The following MAP3K5 variants were observed in gnomAD, a reference collection of about 807,000 sequenced individuals.
MAP3K5 encodes the protein mitogen-activated protein kinase kinase kinase 5, also known as ASK-1.
Under a neutral mutation model 158.7 loss-of-function variants are expected in MAP3K5, and 56 were observed. The observed-to-expected ratio is 0.35, with a 90% CI of 0.28 to 0.44. The LOEUF (loss-of-function observed/expected upper bound fraction) is 0.44. Among genes scored for constraint, MAP3K5 ranks in the 20% least tolerant of loss-of-function variants. The pLI is 1.00. For missense variants in MAP3K5, 1,294 were observed against 1,674.8 expected, an observed-to-expected ratio of 0.77 and a Z score of 3.97; for synonymous variants, 579 against 601.7, an observed-to-expected ratio of 0.96 and a Z score of 0.55.
chr6:136,772,155 G>A (rs1489270128), intron 1 of MAP3K5, among the ~76,000 whole-genome samples: 1 of 150,772 alleles, frequency 6.6e-6, no homozygotes, highest in Non-Finnish European at 1.5e-5. Flanking sequence ...AACCTCAGGT[G>A]ATCTGCGCCC....
At chr6:136,662,643 G>C (rs903570513) in intron 8 of MAP3K5, among the ~76,000 whole-genome samples, 4 of 149,680 alleles carry the variant, frequency 2.7e-5, no homozygotes, top group Admixed American at 2.7e-4. Context: ...AATTTGTTTT[G>C]TATTTAGGAT....
intron 2 of MAP3K5, among the ~76,000 whole-genome samples, chr6:136,711,524 G>A (rs1781306852): frequency 6.6e-6 from 1 of 151,090 alleles, no homozygotes; most frequent in Non-Finnish European, 1.5e-5. Flanking sequence ...AAATTAGCCA[G>A]GTGTAGCAGC....
chr6:136,786,402 A>T (rs1784845766), intron 1 of MAP3K5, among the ~76,000 whole-genome samples: 1 of 151,314 alleles, frequency 6.6e-6, no homozygotes, highest in Non-Finnish European at 1.5e-5. Flanking sequence ...AAAAAAAAAA[A>T]TTTGGAAAGC....
intron 25 of MAP3K5, among the ~76,000 whole-genome samples, chr6:136,573,291 G>A (rs1226130669): frequency 6.6e-6 from 1 of 152,198 alleles, no homozygotes; most frequent in South Asian, 2.1e-4. Context: ...GGATATCAGA[G>A]CTCTTGGTTC....
chr6:136,567,494 C>T lies in MAP3K5; in HGVS notation c.3761+137G>A, dbSNP rs891047580. On this transcript the variant is annotated intron_variant, in intron 26 of 29. Coordinates refer to ENST00000359015, the MANE Select transcript of MAP3K5 (RefSeq NM_005923.4). ...TGACAAAAGAGGCTAAACTAAACTT[C>T]TCTTGTTTTATAAAGAAAGGCATTC... The T allele has an allele frequency of 6.5e-6, 6 of 923,480 alleles. No homozygotes were observed. The African/African-American group carries it at 6.7e-5, about 10-fold the overall frequency. The allele number at this position is 923,480 out of a possible 1,614,324, so 57.2% of individuals were successfully genotyped here.
chr6:136,562,898 G>C (rs1269513879), intron 26 of MAP3K5, among the ~76,000 whole-genome samples: 3 of 139,392 alleles, frequency 2.2e-5, no homozygotes, highest in African/African-American at 8.1e-5. Flanking sequence ...GCTGGTCTCT[G>C]AACTCCTGGC....
intron 1 of MAP3K5, among the ~76,000 whole-genome samples, chr6:136,726,054 G>C (rs373454419): frequency 6.6e-6 from 1 of 152,148 alleles, no homozygotes; most frequent in Non-Finnish European, 1.5e-5. Context: ...TGTTTGGACT[G>C]CTGCAGCTTT....
chr6:136,600,917 C>A, intron 21 of MAP3K5, 105 bp downstream of exon 21: 3 of 1,182,014 alleles, frequency 2.5e-6, no homozygotes, highest in South Asian at 1.2e-5. Flanking sequence ...CCTTTCCCCC[C>A]ATGTAAGCCA....
intron 2 of MAP3K5, among the ~76,000 whole-genome samples, chr6:136,711,586 A>C (rs1419881078): frequency 6.6e-6 from 1 of 151,960 alleles, no homozygotes; most frequent in Non-Finnish European, 1.5e-5. Context: ...GGATTGCTTG[A>C]ACCTGGGAGG....
chr6:136,655,749 A>G (rs1778714259), intron 10 of MAP3K5, among the ~76,000 whole-genome samples: 2 of 152,122 alleles, frequency 1.3e-5, no homozygotes, highest in Middle Eastern at 3.4e-3. Flanking sequence ...TTATACATTT[A>G]AATCTATATG....
At chr6:136,587,230 G>A (rs1488866021) in intron 23 of MAP3K5, among the ~76,000 whole-genome samples, 2 of 152,182 alleles carry the variant, frequency 1.3e-5, no homozygotes, top group African/African-American at 2.4e-5. Context: ...GTTATAAAGT[G>A]TAGGCTTAAA....
intron 1 of MAP3K5, among the ~76,000 whole-genome samples, chr6:136,766,093 A>T (rs1259565402): frequency 6.6e-6 from 1 of 152,186 alleles, no homozygotes; most frequent in African/African-American, 2.4e-5. Context: ...GGTGTGCAAG[A>T]ATCTATCTGG....
At chr6:136,578,936 C>G (rs1053984789) in intron 25 of MAP3K5, among the ~76,000 whole-genome samples, 1 of 150,966 alleles carries the variant, frequency 6.6e-6, no homozygotes, top group South Asian at 2.1e-4. Flanking sequence ...TTTGGGAGGC[C>G]GAGGCGGGAG....
intron 1 of MAP3K5, among the ~76,000 whole-genome samples, chr6:136,784,465 A>G (rs1381843063): frequency 1.3e-5 from 2 of 152,174 alleles, no homozygotes; most frequent in East Asian, 1.9e-4. Context: ...AGCTGCTACA[A>G]TGGTGTGCCA....
intron 1 of MAP3K5, among the ~76,000 whole-genome samples, chr6:136,772,982 A>G (rs1000102221): frequency 6.6e-6 from 1 of 152,210 alleles, no homozygotes; most frequent in Non-Finnish European, 1.5e-5. Flanking sequence ...AGAATTCTCA[A>G]CTTAAGCTGT....
chr6:136,682,990 T>C (rs1245471038), intron 7 of MAP3K5, among the ~76,000 whole-genome samples: 1 of 152,210 alleles, frequency 6.6e-6, no homozygotes, highest in Non-Finnish European at 1.5e-5. Flanking sequence ...ATATAGTCAA[T>C]GTCCATTTTG....
At chr6:136,643,780 G>T (rs1322193442) in intron 11 of MAP3K5, among the ~76,000 whole-genome samples, 2 of 152,150 alleles carry the variant, frequency 1.3e-5, no homozygotes, top group Non-Finnish European at 2.9e-5. Context: ...ACCATAAAAA[G>T]GTATGTGGTG....
At chr6:136,582,460 T>C (rs1204518617) in intron 24 of MAP3K5, among the ~76,000 whole-genome samples, 1 of 152,220 alleles carries the variant, frequency 6.6e-6, no homozygotes, top group Non-Finnish European at 1.5e-5. Flanking sequence ...GGCAGTTGGG[T>C]TTCCCTAGTT....
At chr6:136,597,741 C>G (rs1451675039) in intron 21 of MAP3K5, among the ~76,000 whole-genome samples, 2 of 152,212 alleles carry the variant, frequency 1.3e-5, no homozygotes, top group Non-Finnish European at 2.9e-5. Flanking sequence ...GTGCCAAGTG[C>G]ATAGCAGAGG....
Sources: allele counts gnomAD v4.1 joint callset (sites outside exome capture counted in the v4.1 genomes callset), GRCh38; gene constraint gnomAD v4.1.1; transcripts MANE v1.5; gene names NCBI Gene and HGNC (gene_info 2026-07-23, HGNC 2026-07-21).